The following CYRIA variants were observed in gnomAD, a reference collection of about 807,000 sequenced individuals.
CYRIA encodes the protein CYFIP-related Rac1 interactor A.
In CYRIA, 15 loss-of-function variants were observed where a neutral mutation model predicts 43.9. The observed-to-expected ratio is 0.34, with a 90% CI of 0.23 to 0.53. The LOEUF (loss-of-function observed/expected upper bound fraction) is 0.53, where lower values mean the gene tolerates loss of function less well. Among genes scored for constraint, CYRIA ranks in the 20% least tolerant of loss-of-function variants. The pLI is 0.94. For synonymous variants in CYRIA, 117 were observed against 136.0 expected (o/e 0.86, Z 0.97); for missense variants, 236 against 394.2 (o/e 0.60, Z 3.40).
chr2:16,632,643 C>T (rs1470919865), intron 1 of CYRIA, among the ~76,000 whole-genome samples: 2 of 152,078 alleles, frequency 1.3e-5, no homozygotes, highest in East Asian at 3.9e-4. Flanking sequence ...AAAGCAGGCA[C>T]GGGGGAAAAT....
chr2:16,656,367 C>A (rs1459673478), intron 1 of CYRIA, among the ~76,000 whole-genome samples: 1 of 152,164 alleles, frequency 6.6e-6, no homozygotes, highest in Non-Finnish European at 1.5e-5. Context: ...ACACATCATA[C>A]TTATACACTC....
At chr2:16,662,448 T>C (rs1222509431) in intron 1 of CYRIA, among the ~76,000 whole-genome samples, 2 of 152,234 alleles carry the variant, frequency 1.3e-5, no homozygotes, top group African/African-American at 4.8e-5. Flanking sequence ...AGAGGTTAGA[T>C]GCACCTTCAA....
intron 2 of CYRIA, among the ~76,000 whole-genome samples, chr2:16,592,116 T>C (rs1426655994): frequency 6.6e-6 from 1 of 151,984 alleles, no homozygotes; most frequent in Admixed American, 6.6e-5. Flanking sequence ...CGCTCCAAAA[T>C]CTAAAACTTT....
chr2:16,574,894 G>T (rs1239759817), intron 3 of CYRIA, among the ~76,000 whole-genome samples: 2 of 152,178 alleles, frequency 1.3e-5, no homozygotes, highest in South Asian at 2.1e-4. Flanking sequence ...CCCCACTGGG[G>T]TGCTGCCTAG....
intron 1 of CYRIA, among the ~76,000 whole-genome samples, chr2:16,656,324 T>C (rs899677186): frequency 6.6e-6 from 1 of 151,934 alleles, no homozygotes; most frequent in Non-Finnish European, 1.5e-5. Flanking sequence ...TAAACACACA[T>C]ATATTCCAAC....
intron 10 of CYRIA, among the ~76,000 whole-genome samples, chr2:16,559,000 A>G (rs1004221943): frequency 1.3e-5 from 2 of 152,172 alleles, no homozygotes; most frequent in African/African-American, 4.8e-5. Context: ...ACGTATATCC[A>G]AATGATGAGG....
At position 16,657,488 on chromosome 2, in the gene CYRIA, T is replaced by C. The variant is rs555963200; in HGVS notation, c.-167+8292A>G. Among the ~76,000 whole-genome samples the C allele has an allele frequency of 6.6e-5, 10 of 152,156 alleles. No homozygotes were observed. The South Asian group carries it at 2.1e-3, about 31-fold the overall frequency. On this transcript the variant is annotated intron_variant, in intron 1 of 11. Coordinates refer to ENST00000381323, the MANE Select transcript of CYRIA (RefSeq NM_030797.4). ...TTTTGATGTTTTTTGTTGTTTTTTT[T>C]TTTTTGGCTGTTGTTTTGTTTTTGT... is the stretch of plus-strand genomic sequence containing the variant.
chr2:16,617,718 G>A (rs1345885919), intron 2 of CYRIA, among the ~76,000 whole-genome samples: 3 of 152,226 alleles, frequency 2.0e-5, no homozygotes. Context: ...CTCCAGCGGG[G>A]CTTCCTGTTG....
At chr2:16,658,271 T>C (rs949224209) in intron 1 of CYRIA, among the ~76,000 whole-genome samples, 8 of 152,156 alleles carry the variant, frequency 5.3e-5, no homozygotes, top group African/African-American at 1.9e-4. Context: ...TTCAGGAATG[T>C]GTTGTCAGAG....
chr2:16,641,068 C>T (rs1274792773), intron 1 of CYRIA, among the ~76,000 whole-genome samples: 1 of 152,158 alleles, frequency 6.6e-6, no homozygotes, highest in African/African-American at 2.4e-5. Flanking sequence ...ACATCCGCCC[C>T]CTCCTCTGCT....
chr2:16,570,504 G>A (rs1667091466), intron 3 of CYRIA, among the ~76,000 whole-genome samples: 2 of 152,204 alleles, frequency 1.3e-5, no homozygotes, highest in Admixed American at 1.3e-4. Context: ...ATCCCTTTGA[G>A]AGGCTTTGGA....
Position 16,561,074 on chromosome 2 carries a change from A to T in CYRIA, c.631-5T>A. On this transcript the variant is annotated splice_polypyrimidine_tract_variant and splice_region_variant and intron_variant, in intron 8 of 11. Coordinates refer to ENST00000381323, the MANE Select transcript of CYRIA (RefSeq NM_030797.4). The stretch of plus-strand genomic sequence containing the variant: ...CTCTATTGGCAGAGTTTTGTTCTAA[A>T]TGGGAGACACAAATGTACATTAGTC... 1.2e-6 allele frequency: 2 copies of T among 1,613,604 alleles called. No homozygotes were observed. Among genetic ancestry groups the T allele is most frequent in the Non-Finnish European group, 1.7e-6 (2 of 1,179,628 alleles).
chr2:16,579,761 A>T lies in CYRIA; in HGVS notation c.70+8289T>A, dbSNP rs958579738. On this transcript the variant is annotated intron_variant, in intron 3 of 11. Coordinates refer to ENST00000381323, the MANE Select transcript of CYRIA (RefSeq NM_030797.4). Reference sequence around the variant, plus strand: ...AAACAGTTTGATTTATCAGAAAAACATGAAGAAAAAAAGAAGGCAAATATG... The same window carrying T: ...AAACAGTTTGATTTATCAGAAAAACTTGAAGAAAAAAAGAAGGCAAATATG... Among the ~76,000 whole-genome samples the T allele has an allele frequency of 3.3e-5, 5 of 152,274 alleles. No individual in the cohort carries two copies. In the South Asian group the frequency reaches 1.0e-3, roughly 32 times the overall value.
At chr2:16,578,606 A>ATTTG (rs1667436312) in intron 3 of CYRIA, among the ~76,000 whole-genome samples, 1 of 152,206 alleles carries the variant, frequency 6.6e-6, no homozygotes, top group African/African-American at 2.4e-5. Context: ...AAATGCTAAA[A>ATTTG]ATGAAAAATT....
chr2:16,659,684 T>C (rs1009592991), intron 1 of CYRIA, among the ~76,000 whole-genome samples: 4 of 152,204 alleles, frequency 2.6e-5, no homozygotes, highest in African/African-American at 9.6e-5. Context: ...TGGTTGCCAA[T>C]GCGAATGAGA....
intron 2 of CYRIA, among the ~76,000 whole-genome samples, chr2:16,616,229 C>A (rs1216788518): frequency 6.6e-6 from 1 of 152,182 alleles, no homozygotes; most frequent in East Asian, 1.9e-4. Flanking sequence ...CAGGGCTGGG[C>A]AAAGTGGAGG....
At chr2:16,563,904 A>G (rs146150752) in intron 5 of CYRIA, 85 bp downstream of exon 5, 240 of 907,544 alleles carry the variant, frequency 2.6e-4, no homozygotes, top group Non-Finnish European at 3.7e-4. Context: ...ACATTTTCCA[A>G]TATGCCACGC....
At chr2:16,637,018 A>T (rs1669518150) in intron 1 of CYRIA, among the ~76,000 whole-genome samples, 1 of 151,856 alleles carries the variant, frequency 6.6e-6, no homozygotes. Context: ...ACCCCCACAC[A>T]CCAGGAGCTG....
intron 3 of CYRIA, among the ~76,000 whole-genome samples, chr2:16,573,802 T>G (rs1667226615): frequency 6.6e-6 from 1 of 152,226 alleles, no homozygotes; most frequent in African/African-American, 2.4e-5. Context: ...TCTCTAGCCA[T>G]GTGGAACTGT....
Sources: allele counts gnomAD v4.1 joint callset (sites outside exome capture counted in the v4.1 genomes callset), GRCh38; gene constraint gnomAD v4.1.1; transcripts MANE v1.5; gene names NCBI Gene and HGNC (gene_info 2026-07-23, HGNC 2026-07-21).